Variants in DMD observed in about 807,000 individuals in gnomAD.
DMD encodes dystrophin, also known as mutant dystrophin.
In DMD, 63 loss-of-function variants were observed where a neutral mutation model predicts 330.1. The ratio of observed to expected loss-of-function variants is 0.19; its 90% CI spans 0.16 to 0.24. DMD has a LOEUF of 0.24. Ranked by LOEUF, DMD falls within the 10% of genes least tolerant of loss-of-function variation. The pLI is 1.00. For missense variants in DMD, 3,344 were observed against 2,684.1 expected, an observed-to-expected ratio of 1.25 and a Z score of -5.43; for synonymous variants, 1,223 against 959.8, an observed-to-expected ratio of 1.27 and a Z score of -5.07.
At chrX:32,626,095 A>C (rs770881512) in intron 11 of DMD, among the ~76,000 whole-genome samples, 1 of 112,627 alleles carries the variant, frequency 8.9e-6, no homozygotes, top group East Asian at 2.8e-4. Context: ...TTTTTAATGC[A>C]TGTTTTTACT....
chrX:31,819,978 C>T lies in DMD; in HGVS notation c.7306G>A (p.Ala2436Thr). ...DLAPGLTTIG[A>T]SPTQTVTLVT... is the part of the protein sequence containing the mutation. ...GAATGGGATCCAGTATACTTACAGG[C>T]TCCAATAGTGGTCAGTCCAGGAGCT... The change falls in exon 50 of 79, where the codon GCC becomes ACC. Residue 2436 changes from alanine to threonine, a missense_variant. Physicochemically the swap from Ala to Thr is moderately conservative, Grantham distance 58 (BLOSUM62 0). Coordinates refer to ENST00000357033, the MANE Select transcript of DMD (RefSeq NM_004006.3). 1 of 1,203,396 alleles carries T rather than the reference C, an allele frequency of 8.3e-7. No homozygotes were observed. Among genetic ancestry groups the T allele is most frequent in the Non-Finnish European group, 1.1e-6 (1 of 887,552 alleles).
intron 50 of DMD, among the ~76,000 whole-genome samples, chrX:31,784,478 G>A (rs933873153): frequency 7.2e-5 from 8 of 111,800 alleles, no homozygotes; most frequent in Non-Finnish European, 1.5e-4. Context: ...ATATAATCCA[G>A]TCCTCAAAAA....
At chrX:33,250,085 T>TTATATATATATATATATATATATATATA (rs560212408) in intron 1 of DMD, among the ~76,000 whole-genome samples, 23 of 75,398 alleles carry the variant, frequency 3.1e-4, no homozygotes, top group African/African-American at 7.2e-4. Context: ...AAACTATTCA[T>TTATATATATATATATATATATATATATA]TATATATATA....
At chrX:31,488,159 A>G (rs2068966597) in intron 57 of DMD, among the ~76,000 whole-genome samples, 1 of 111,850 alleles carries the variant, frequency 8.9e-6, no homozygotes, top group East Asian at 2.8e-4. Context: ...GCTGCTTCCA[A>G]CAATCACTGG....
intron 52 of DMD, among the ~76,000 whole-genome samples, chrX:31,701,287 C>G (rs940124525): frequency 1.2e-4 from 14 of 112,206 alleles, no homozygotes; most frequent in African/African-American, 4.2e-4. Flanking sequence ...CCCCGAAAAA[C>G]AAAGTGGCCT....
chrX:32,710,795 A>G (rs1338453750), intron 7 of DMD, among the ~76,000 whole-genome samples: 1 of 111,115 alleles, frequency 9.0e-6, no homozygotes, highest in East Asian at 2.8e-4. Context: ...TGGGGGTTTG[A>G]AAGATTCAAG....
At chrX:33,041,752 T>A (rs376634972) in intron 1 of DMD, 16 of 1,164,588 alleles carry the variant, frequency 1.4e-5, no homozygotes, top group East Asian at 1.2e-4. Context: ...GTTTTTGCAT[T>A]AAATCCTGGG....
chrX:32,395,522 G>A (rs187915606), intron 30 of DMD, among the ~76,000 whole-genome samples: 13 of 111,297 alleles, frequency 1.2e-4, no homozygotes, highest in Non-Finnish European at 2.1e-4. Context: ...GGATACATAC[G>A]TAACAAACCT....
At chrX:32,559,466 G>T (rs1019380189) in intron 16 of DMD, among the ~76,000 whole-genome samples, 3 of 111,379 alleles carry the variant, frequency 2.7e-5, no homozygotes, top group Middle Eastern at 4.2e-3. Flanking sequence ...CAATGAAAAG[G>T]TCTTTTAAAT....
intron 1 of DMD, among the ~76,000 whole-genome samples, chrX:33,237,162 TCCTC>T (rs1411656778): frequency 1.9e-5 from 2 of 103,814 alleles, no homozygotes; most frequent in African/African-American, 3.5e-5. Flanking sequence ...GCCATTGGTT[TCCTC>T]CCTCCCTCCC....
intron 48 of DMD, among the ~76,000 whole-genome samples, chrX:31,866,162 C>A (rs1448590788): frequency 9.0e-6 from 1 of 111,467 alleles, no homozygotes; most frequent in African/African-American, 3.3e-5. Flanking sequence ...CTTTAGCTCC[C>A]TTAAATCCTT....
At chrX:32,878,191 C>A (rs565142992) in intron 2 of DMD, among the ~76,000 whole-genome samples, 10 of 111,129 alleles carry the variant, frequency 9.0e-5, no homozygotes, top group South Asian at 3.8e-4. Context: ...CTGGCTAACA[C>A]GGTGAAACCC....
intron 64 of DMD, among the ~76,000 whole-genome samples, chrX:31,212,146 T>TTATATATATATATATATA (rs375944446): frequency 4.4e-5 from 4 of 91,756 alleles, no homozygotes; most frequent in African/African-American, 1.7e-4. Flanking sequence ...ATTAAATATA[T>TTATATATATATATATATA]TATATATATA....
At chrX:33,035,068 T>C (rs1602954639) in intron 1 of DMD, among the ~76,000 whole-genome samples, 1 of 112,003 alleles carries the variant, frequency 8.9e-6, no homozygotes, top group Non-Finnish European at 1.9e-5. Flanking sequence ...CTAAAAGGGC[T>C]CCATGGTTTG....
rs774510793 is a variant in DMD, at chrX:32,507,353, G to A, written c.2293-5511C>T. Among the ~76,000 whole-genome samples, 37 of 111,538 alleles carry A rather than the reference G, an allele frequency of 3.3e-4. 1 individual carries two copies. Among genetic ancestry groups the A allele is most frequent in the Non-Finnish European group, 6.4e-4 (34 of 52,975 alleles). ...GCTTTTGCTTTAGTTTTTGTGAAAT[G>A]ATATAAAAAGTAGAATGAGAACACT... On this transcript the variant is annotated intron_variant, in intron 18 of 78. Coordinates refer to ENST00000357033, the MANE Select transcript of DMD (RefSeq NM_004006.3).
At position 32,520,316 on chromosome X, in the gene DMD, TG is replaced by T. The variant is rs770176391; in HGVS notation, c.2169-2186del. On this transcript the variant is annotated intron_variant, in intron 17 of 78. Coordinates refer to ENST00000357033, the MANE Select transcript of DMD (RefSeq NM_004006.3). Reference sequence around the variant, plus strand: ...TAACTCCTTAAATACTCTCCTACTATGGTTATTTGATTACCTACCCAAACCA... The same window carrying T: ...TAACTCCTTAAATACTCTCCTACTATGTTATTTGATTACCTACCCAAACCA... Among the ~76,000 whole-genome samples, 9 of 112,334 alleles carry T rather than the reference TG, an allele frequency of 8.0e-5. No individual in the cohort carries two copies. In the East Asian group the frequency reaches 2.5e-3, roughly 31 times the overall value.
intron 1 of DMD, among the ~76,000 whole-genome samples, chrX:33,285,730 C>T (rs1193555855): frequency 1.8e-5 from 2 of 111,811 alleles, no homozygotes; most frequent in Non-Finnish European, 3.8e-5. Context: ...CAAACAGATG[C>T]ACTTCCTAAA....
intron 2 of DMD, among the ~76,000 whole-genome samples, chrX:32,942,254 T>A (rs1197682851): frequency 8.9e-6 from 1 of 112,241 alleles, no homozygotes; most frequent in Non-Finnish European, 1.9e-5. Flanking sequence ...GAAAAGATAA[T>A]CCATTTTGGC....
chrX:33,058,876 T>A (rs2094549997), intron 1 of DMD, among the ~76,000 whole-genome samples: 1 of 111,743 alleles, frequency 8.9e-6, no homozygotes. Context: ...TGTCCTCTTT[T>A]ATGAAGTGCC....
Sources: gnomAD v4.1 joint callset for allele counts (sites outside exome capture counted in the v4.1 genomes callset) on GRCh38, gnomAD v4.1.1 for gene constraint, MANE v1.5 for transcripts, NCBI Gene and HGNC (gene_info 2026-07-23, HGNC 2026-07-21) for gene names.